The following IQCK variants were observed in gnomAD, a reference collection of about 807,000 sequenced individuals.
IQCK encodes the protein IQ domain-containing protein K.
IQCK carries 29 observed loss-of-function variants against 28.1 expected under a neutral mutation model. That is an observed-to-expected ratio of 1.03 (90% CI 0.77 to 1.41). The LOEUF is 1.41. Ranked by LOEUF, IQCK falls within the 40% of genes most tolerant of loss-of-function variation. The pLI, the probability that IQCK is intolerant of heterozygous loss-of-function variation, is 0.00. For missense variants in IQCK, 359 were observed against 314.7 expected, an observed-to-expected ratio of 1.14 and a Z score of -1.07; for synonymous variants, 113 against 115.1, an observed-to-expected ratio of 0.98 and a Z score of 0.12.
intron 6 of IQCK, among the ~76,000 whole-genome samples, chr16:19,777,693 T>C (rs1433391494): frequency 6.6e-6 from 1 of 152,176 alleles, no homozygotes; most frequent in African/African-American, 2.4e-5. Context: ...TGGGTGGCCC[T>C]TTCTCAGGCG....
At chr16:19,759,574 C>T (rs1229488947) in intron 4 of IQCK, among the ~76,000 whole-genome samples, 9 of 152,152 alleles carry the variant, frequency 5.9e-5, no homozygotes, top group Admixed American at 5.9e-4. Flanking sequence ...GGCCTGTCGT[C>T]ACAGAGCTTA....
chr16:19,819,533 C>A, intron 7 of IQCK: 1 of 154,270 alleles, frequency 6.5e-6, no homozygotes. Flanking sequence ...CTCTTTGGAT[C>A]GCCAGTAGAC....
chr16:19,730,341 T>C, intron 1 of IQCK, 89 bp from the exon 2 acceptor site: 2 of 992,604 alleles, frequency 2.0e-6, no homozygotes, highest in Middle Eastern at 2.9e-4. Context: ...CAAAATAAAA[T>C]TTAAGAATGT....
At chr16:19,843,710 C>T (rs1473506952) in intron 9 of IQCK, among the ~76,000 whole-genome samples, 2 of 152,212 alleles carry the variant, frequency 1.3e-5, no homozygotes, top group Non-Finnish European at 2.9e-5. Context: ...GCTCTCTTCC[C>T]GGCTTGCAGA....
intron 7 of IQCK, among the ~76,000 whole-genome samples, chr16:19,810,455 C>T (rs1003214979): frequency 3.3e-5 from 5 of 151,298 alleles, no homozygotes; most frequent in Non-Finnish European, 7.4e-5. Flanking sequence ...CGAGATCGTG[C>T]CACTGCACTC....
intron 6 of IQCK, among the ~76,000 whole-genome samples, chr16:19,786,609 G>T (rs753147148): frequency 3.6e-5 from 5 of 137,612 alleles, no homozygotes; most frequent in Non-Finnish European, 6.0e-5. Flanking sequence ...GAGACAGGAG[G>T]ATCGCTTGAA....
chr16:19,819,181 A>G (rs1003148443), intron 7 of IQCK, among the ~76,000 whole-genome samples: 2 of 152,104 alleles, frequency 1.3e-5, no homozygotes, highest in African/African-American at 4.8e-5. Context: ...AGCTTTTGCT[A>G]CTTATTCTTT....
intron 7 of IQCK, among the ~76,000 whole-genome samples, chr16:19,812,843 AG>A (rs1448704273): frequency 2.7e-5 from 4 of 149,822 alleles, no homozygotes; most frequent in South Asian, 4.1e-4. Flanking sequence ...AGAAAAAGGT[AG>A]GGGGGGAAAT....
At chr16:19,843,627 C>T (rs914188124) in intron 9 of IQCK, among the ~76,000 whole-genome samples, 6 of 152,232 alleles carry the variant, frequency 3.9e-5, no homozygotes, top group African/African-American at 9.6e-5. Context: ...AAACAACAGA[C>T]ATTTCTTCTC....
chr16:19,811,419 A>G (rs2055903812), intron 7 of IQCK, among the ~76,000 whole-genome samples: 1 of 152,248 alleles, frequency 6.6e-6, no homozygotes, highest in Non-Finnish European at 1.5e-5. Flanking sequence ...GTAAACAAGT[A>G]CAGCGAACAG....
chr16:19,724,697 T>A (rs1977601227), intron 1 of IQCK, among the ~76,000 whole-genome samples: 1 of 151,812 alleles, frequency 6.6e-6, no homozygotes, highest in Non-Finnish European at 1.5e-5. Context: ...CCCGGCTAAT[T>A]TTGTTTTTGT....
intron 7 of IQCK, among the ~76,000 whole-genome samples, chr16:19,804,725 G>T (rs2055812378): frequency 6.6e-6 from 1 of 152,122 alleles, no homozygotes; most frequent in African/African-American, 2.4e-5. Flanking sequence ...CACTGCACCT[G>T]GCCAGTATTT....
intron 4 of IQCK, among the ~76,000 whole-genome samples, chr16:19,758,231 T>G (rs1387690701): frequency 5.3e-5 from 8 of 152,326 alleles, no homozygotes; most frequent in African/African-American, 1.9e-4. Flanking sequence ...TTGCTTTTCC[T>G]TCTCTCTTTC....
At chr16:19,856,296 G>A (rs1028900126) in intron 9 of IQCK, among the ~76,000 whole-genome samples, 191 bp from the exon 9 acceptor site, 1 of 152,198 alleles carries the variant, frequency 6.6e-6, no homozygotes, top group Non-Finnish European at 1.5e-5. Flanking sequence ...GAACTTTCAG[G>A]TGCTGTCCTT....
intron 6 of IQCK, among the ~76,000 whole-genome samples, chr16:19,779,727 A>AT (rs931293785): frequency 1.3e-5 from 2 of 149,408 alleles, no homozygotes; most frequent in East Asian, 1.9e-4. Context: ...TTATTTATTT[A>AT]TTTTTTTTGA....
chr16:19,817,828 G>A (rs1052602927), intron 7 of IQCK, among the ~76,000 whole-genome samples: 2 of 152,150 alleles, frequency 1.3e-5, no homozygotes, highest in Non-Finnish European at 2.9e-5. Context: ...ACTGAAAAGT[G>A]ACAGTCCCTG....
intron 4 of IQCK, among the ~76,000 whole-genome samples, chr16:19,739,772 G>C (rs549101021): frequency 2.2e-4 from 34 of 152,048 alleles, no homozygotes; most frequent in African/African-American, 8.0e-4. Flanking sequence ...CCATGATGGC[G>C]CCACTGCACT....
chr16:19,812,426 C>G (rs1448141398), intron 7 of IQCK, among the ~76,000 whole-genome samples: 1 of 152,176 alleles, frequency 6.6e-6, no homozygotes, highest in Non-Finnish European at 1.5e-5. Flanking sequence ...CAAATCTAGC[C>G]TACTGCCTGT....
At position 19,851,502 on chromosome 16, in the gene IQCK, T is replaced by G. The variant is rs570234493; in HGVS notation, c.803-4985T>G. Among the ~76,000 whole-genome samples the G allele has an allele frequency of 3.3e-5, 5 of 152,250 alleles. No homozygotes were observed. In the East Asian group the frequency reaches 9.7e-4, roughly 29 times the overall value. ...TGTCCTGTGCTGCTGGCTGGGAGGT[T>G]TTTCTCTGGGCTGTGAATTGAATTC... On this transcript the variant is annotated intron_variant, in intron 9 of 9. Transcript: ENST00000320394.
Sources: allele counts gnomAD v4.1 joint callset (sites outside exome capture counted in the v4.1 genomes callset), GRCh38; gene constraint gnomAD v4.1.1; transcripts MANE v1.5; gene names NCBI Gene and HGNC (gene_info 2026-07-23, HGNC 2026-07-21).